GREM2: variants seen among roughly 807,000 people sequenced by gnomAD.
GREM2 encodes gremlin 2, DAN family BMP antagonist.
GREM2 carries 11 observed loss-of-function variants against 14.2 expected under a neutral mutation model. That is an observed-to-expected ratio of 0.78 (90% CI 0.49 to 1.28). The LOEUF (loss-of-function observed/expected upper bound fraction) is 1.28. Among genes scored for constraint, GREM2 ranks in the 50% most tolerant of loss-of-function variants. The probability of loss-of-function intolerance (pLI) is 0.00; values close to 1 mark genes in which losing one functional copy is unlikely to be tolerated. For synonymous variants in GREM2, 98 were observed against 97.6 expected, an observed-to-expected ratio of 1.00 and a Z score of -0.02; for missense variants, 210 against 218.5, an observed-to-expected ratio of 0.96 and a Z score of 0.24.
At chr1:240,498,954 A>G (rs1179141680) in intron 1 of GREM2, among the ~76,000 whole-genome samples, 1 of 152,188 alleles carries the variant, frequency 6.6e-6, no homozygotes, top group East Asian at 1.9e-4. Flanking sequence ...TTGGTTGTGC[A>G]AAGAGAGAGG....
intron 1 of GREM2, among the ~76,000 whole-genome samples, chr1:240,523,901 G>A (rs1678161211): frequency 6.6e-6 from 1 of 152,184 alleles, no homozygotes; most frequent in African/African-American, 2.4e-5. Context: ...AATGTTGTGT[G>A]TTACTAACAT....
intron 1 of GREM2, among the ~76,000 whole-genome samples, chr1:240,534,990 T>C (rs998487753): frequency 2.6e-4 from 39 of 152,158 alleles, no homozygotes; most frequent in African/African-American, 8.9e-4. Context: ...TCTGTTTCTG[T>C]ATGTTGATCA....
intron 1 of GREM2, among the ~76,000 whole-genome samples, chr1:240,521,552 C>CAA (rs1678098481): frequency 6.6e-6 from 1 of 151,808 alleles, no homozygotes. Flanking sequence ...GCCTGGGCGA[C>CAA]AGTGTGAGAC....
At chr1:240,575,636 T>G (rs183296950) in intron 1 of GREM2, among the ~76,000 whole-genome samples, 1 of 152,068 alleles carries the variant, frequency 6.6e-6, no homozygotes, top group Admixed American at 6.5e-5. Context: ...TTCTCCTGAC[T>G]CAGTCTCCTG....
intron 1 of GREM2, among the ~76,000 whole-genome samples, chr1:240,500,034 A>C (rs961538251): frequency 1.3e-5 from 2 of 152,232 alleles, no homozygotes; most frequent in African/African-American, 4.8e-5. Flanking sequence ...TAAAATTTCT[A>C]ACTATGAAAC....
rs1299893887 is a variant in GREM2 at position 240,565,935 on chromosome 1, G to A, written c.-2+45949C>T. On this transcript the variant is annotated intron_variant, in intron 1 of 1. Coordinates refer to ENST00000318160, the MANE Select transcript of GREM2 (RefSeq NM_022469.4). ...AAACTCAATTATTTTACAGTTTAGG[G>A]TACAGTCATCCTTAACTAAGAAAAG... Among the ~76,000 whole-genome samples, 5 of 151,836 alleles carry A rather than the reference G, an allele frequency of 3.3e-5. 1 individual carries two copies. The highest frequency in any genetic ancestry group is 4.8e-5 in the African/African-American group (2 of 41,328).
intron 1 of GREM2, among the ~76,000 whole-genome samples, chr1:240,584,573 G>A (rs563720464): frequency 2.0e-5 from 3 of 151,552 alleles, no homozygotes; most frequent in Admixed American, 6.6e-5. Flanking sequence ...GCATAGTGGC[G>A]TGCACCTGTG....
intron 1 of GREM2, among the ~76,000 whole-genome samples, chr1:240,562,605 A>G (rs1429105629): frequency 6.6e-6 from 1 of 152,180 alleles, no homozygotes; most frequent in Admixed American, 6.5e-5. Context: ...ACCATCTTGG[A>G]GAATGTCCTG....
chr1:240,514,995 C>G (rs771558478), intron 1 of GREM2, among the ~76,000 whole-genome samples: 1 of 152,026 alleles, frequency 6.6e-6, no homozygotes, highest in Non-Finnish European at 1.5e-5. Flanking sequence ...ACAAAACATA[C>G]TTTAACGGGA....
chr1:240,566,435 T>C (rs1679178263), intron 1 of GREM2, among the ~76,000 whole-genome samples: 1 of 152,138 alleles, frequency 6.6e-6, no homozygotes, highest in Non-Finnish European at 1.5e-5. Context: ...AGAGAGTTTC[T>C]AGGTTGCACT....
chr1:240,521,519 C>A (rs1052329675), intron 1 of GREM2, among the ~76,000 whole-genome samples: 1 of 151,728 alleles, frequency 6.6e-6, no homozygotes, highest in East Asian at 1.9e-4. Context: ...TACAGTGAGC[C>A]GAGATGGCAC....
chr1:240,493,251 C>T lies in GREM2; in HGVS notation c.225G>A (p.Thr75=), dbSNP rs752063931. 138 of 1,613,932 alleles carry T rather than the reference C, an allele frequency of 8.6e-5. No homozygotes were observed. The highest frequency in any genetic ancestry group is 1.1e-4 in the Non-Finnish European group (127 of 1,180,004). The part of the protein sequence containing the change: ...RKYLKSDWCK[T]QPLRQTVSEE... Reference sequence around the variant, plus strand: ...CGCTCACCGTCTGCCGCAGCGGCTGCGTCTTGCACCAGTCACTCTTGAGGT... The same window carrying T: ...CGCTCACCGTCTGCCGCAGCGGCTGTGTCTTGCACCAGTCACTCTTGAGGT... Residue 75 remains threonine (T), a synonymous_variant, in exon 2 of 2, where the codon ACG becomes ACA. Coordinates refer to ENST00000318160, the MANE Select transcript of GREM2 (RefSeq NM_022469.4).
At chr1:240,537,998 G>A (rs908773909) in intron 1 of GREM2, among the ~76,000 whole-genome samples, 6 of 152,156 alleles carry the variant, frequency 3.9e-5, no homozygotes, top group East Asian at 1.9e-4. Flanking sequence ...TAAAAAACCC[G>A]AGTTTTGCTT....
chr1:240,498,540 T>C (rs1677485737), intron 1 of GREM2, among the ~76,000 whole-genome samples: 1 of 152,232 alleles, frequency 6.6e-6, no homozygotes, highest in African/African-American at 2.4e-5. Flanking sequence ...CCTACACTGC[T>C]GGCCCTTGGC....
At chr1:240,513,358 C>T (rs577349659) in intron 1 of GREM2, among the ~76,000 whole-genome samples, 171 of 152,072 alleles carry the variant, frequency 1.1e-3, no homozygotes, top group Non-Finnish European at 1.8e-3. Context: ...GGGCGGATCG[C>T]GAGGTCAAGA....
At position 240,542,443 on chromosome 1, in the gene GREM2, T is replaced by C. The variant is rs960070496; in HGVS notation, c.-1-48967A>G. Among the ~76,000 whole-genome samples the C allele has an allele frequency of 2.6e-4, 29 of 113,336 alleles. 1 individual carries two copies. In the South Asian group the frequency reaches 5.8e-3, roughly 23 times the overall value. 74.4% of individuals were successfully genotyped at this position (113,336 alleles called of 152,430 possible). ...AACATGGCGAAACCCCCATCTCTACTAAAAAAAAAAAAAAAAAAAAAATTA... is the reference window on the plus strand; with the variant it reads ...AACATGGCGAAACCCCCATCTCTACCAAAAAAAAAAAAAAAAAAAAAATTA... On this transcript the variant is annotated intron_variant, in intron 1 of 1. Coordinates refer to ENST00000318160, the MANE Select transcript of GREM2 (RefSeq NM_022469.4). The surrounding 1 kb of genome is among the most constrained non-coding windows in gnomAD (Gnocchi z 4.1).
At chr1:240,609,478 C>T (rs1680091697) in intron 1 of GREM2, among the ~76,000 whole-genome samples, 1 of 151,892 alleles carries the variant, frequency 6.6e-6, no homozygotes, top group Non-Finnish European at 1.5e-5. Context: ...AGCAGCTAAT[C>T]CAAGAAGAAG....
At chr1:240,498,772 G>A (rs956001038) in intron 1 of GREM2, among the ~76,000 whole-genome samples, 7 of 152,196 alleles carry the variant, frequency 4.6e-5, no homozygotes, top group South Asian at 2.1e-4. Context: ...ACGACAGCAC[G>A]AGGATACTTC....
intron 1 of GREM2, among the ~76,000 whole-genome samples, chr1:240,497,033 A>T (rs1402040279): frequency 6.6e-6 from 1 of 152,026 alleles, no homozygotes; most frequent in South Asian, 2.1e-4. Context: ...AAAAAAAAAA[A>T]TGTTGAACGA....
Sources: gnomAD v4.1 joint callset for allele counts (sites outside exome capture counted in the v4.1 genomes callset) on GRCh38, gnomAD v4.1.1 for gene constraint, Gnocchi (gnomAD v3.1) non-coding constraint, MANE v1.5 for transcripts, NCBI Gene and HGNC (gene_info 2026-07-23, HGNC 2026-07-21) for gene names.